The following ATPAF1 variants were observed in gnomAD, a reference collection of about 807,000 sequenced individuals.
ATPAF1 encodes the protein ATP synthase mitochondrial F1 complex assembly factor 1, also known as homolog of yeast ATP11.
In ATPAF1, 26 loss-of-function variants were observed where a neutral mutation model predicts 43.9. That is an observed-to-expected ratio of 0.59 (90% CI 0.43 to 0.82). The LOEUF (loss-of-function observed/expected upper bound fraction) is 0.82, where lower values mean the gene tolerates loss of function less well. Ranked by LOEUF, ATPAF1 falls within the 40% of genes least tolerant of loss-of-function variation. The pLI, the probability that ATPAF1 is intolerant of heterozygous loss-of-function variation, is 0.00. For missense variants in ATPAF1, 366 were observed against 435.0 expected (o/e 0.84, Z 1.41); for synonymous variants, 157 against 168.0 (o/e 0.93, Z 0.50).
At chr1:46,666,520 T>A (rs1219868907) in intron 1 of ATPAF1, 9 of 152,292 alleles carry the variant, frequency 5.9e-5, no homozygotes, top group Admixed American at 5.9e-4. Context: ...GAGCTCACTA[T>A]CCAGTGGGAG....
Position 46,665,380 on chromosome 1 carries a change from C to T in ATPAF1, c.267-16G>A, listed in dbSNP as rs755651111. ...TGGGTCTGACCTGATCAGAGGTAAA[C>T]CAAAGGGTAAACCAACTGGGCCTTT... On this transcript the variant is annotated splice_polypyrimidine_tract_variant and intron_variant, in intron 1 of 8. Transcript: ENST00000574428. 1.9e-6 allele frequency: 3 copies of T among 1,612,736 alleles called. No homozygotes were observed. Among genetic ancestry groups the T allele is most frequent in the Non-Finnish European group, 2.5e-6 (3 of 1,178,954 alleles).
chr1:46,637,154 A>G (rs1028656424), intron 8 of ATPAF1, among the ~76,000 whole-genome samples: 2 of 152,238 alleles, frequency 1.3e-5, no homozygotes, highest in African/African-American at 4.8e-5. Context: ...AGGGAAGAGA[A>G]GGGCAGTAGC....
intron 2 of ATPAF1, among the ~76,000 whole-genome samples, chr1:46,661,965 G>A (rs928057722): frequency 1.1e-4 from 17 of 148,300 alleles, no homozygotes; most frequent in Non-Finnish European, 1.9e-4. Context: ...TGTGATCTCC[G>A]CTCACTGCAG....
rs1336301814 is a variant in ATPAF1 at position 46,636,693 on chromosome 1, G to A, written c.793-723C>T. Among the ~76,000 whole-genome samples the A allele has an allele frequency of 2.6e-5, 4 of 151,418 alleles. No homozygotes were observed. In the East Asian group the frequency reaches 5.8e-4, roughly 22 times the overall value. ...GCTACTCAGGAGGCTGAGGTAGGAG[G>A]ATTGCTTGAGCCTGTCTGGGTAATG... is the stretch of plus-strand genomic sequence containing the variant. On this transcript the variant is annotated intron_variant, in intron 8 of 8. Coordinates refer to ENST00000574428, the Ensembl canonical transcript of ATPAF1.
rs148218057 is a variant in ATPAF1, at chr1:46,660,860, C to T, written c.376-2123G>A. On this transcript the variant is annotated intron_variant, in intron 2 of 8. Transcript: ENST00000574428. ...TCTACATAATAAAAAAAATTTCCCT[C>T]ATCCTGTACAACTTTTCAATGTCTA... 1.4e-4 allele frequency among the ~76,000 whole-genome samples: 21 copies of T among 152,168 alleles called. 1 individual carries two copies. In the East Asian group the frequency reaches 4.0e-3, roughly 29 times the overall value.
At chr1:46,639,805 A>T (rs565851357) in intron 8 of ATPAF1, among the ~76,000 whole-genome samples, 2 of 152,300 alleles carry the variant, frequency 1.3e-5, no homozygotes, top group South Asian at 4.1e-4. Context: ...TACAAGGCAA[A>T]TATGTATTGT....
At position 46,658,205 on chromosome 1, in the gene ATPAF1, A is replaced by G. The variant is rs1412403132; in HGVS notation, c.427-16T>C. On this transcript the variant is annotated splice_polypyrimidine_tract_variant and intron_variant, in intron 3 of 8. Transcript: ENST00000574428. ...AACTGAGAGTCTTGAAAGAGACAAT[A>G]AAAAGCAATTAACACATAATTAAAA... 2 of 1,576,392 alleles carry G rather than the reference A, an allele frequency of 1.3e-6. No homozygotes were observed. The highest frequency in any genetic ancestry group is 1.7e-6 in the Non-Finnish European group (2 of 1,161,128).
In ATPAF1 at chr1:46,668,289, C is replaced by T. The variant is rs1216675397; in HGVS notation, c.34G>A (p.Ala12Thr). ...GCCACCTGCAGGACCGCCGGTCCCG[C>T]GCCACCCGCAGCCGCCACCACCACA... The change falls in exon 1 of 9, where the codon GCG (alanine) becomes ACG (threonine). Residue 12 changes from alanine (A) to threonine (T), a missense_variant. This residue lies in a region of ATPAF1 where 186 missense variants were observed against 168.5 expected (regional missense o/e 1.10). Coordinates refer to ENST00000574428, the Ensembl canonical transcript of ATPAF1. This position sits in a 1 kb window ranked among gnomAD's most constrained non-coding sequence, Gnocchi z 4.4. 2 of 1,381,866 alleles carry T rather than the reference C, an allele frequency of 1.4e-6. No individual in the cohort carries two copies. The highest frequency in any genetic ancestry group is 1.5e-5 in the African/African-American group (1 of 66,554). 85.6% of individuals were successfully genotyped at this position (1,381,866 alleles called of 1,614,324 possible).
chr1:46,645,373 T>C (rs1676024021), intron 6 of ATPAF1, 117 bp from the exon 7 acceptor site: 1 of 839,644 alleles, frequency 1.2e-6, no homozygotes, highest in African/African-American at 1.7e-5. Context: ...AATATTTTTT[T>C]ATTTTTTTGA....
intron 8 of ATPAF1, among the ~76,000 whole-genome samples, chr1:46,641,648 C>T (rs1675952636): frequency 6.6e-6 from 1 of 152,162 alleles, no homozygotes; most frequent in South Asian, 2.1e-4. Flanking sequence ...ATTCTCAGTT[C>T]TAATCTCATT....
At chr1:46,663,880 C>G in intron 2 of ATPAF1, 3 of 1,274,512 alleles carry the variant, frequency 2.4e-6, no homozygotes, top group Non-Finnish European at 3.1e-6. Flanking sequence ...CCATATTCTC[C>G]CTGGCGCTGG....
chr1:46,632,906 GT>G (rs1675776268), downstream of ATPAF1: 1 of 152,738 alleles, frequency 6.5e-6, no homozygotes, highest in South Asian at 2.1e-4. Flanking sequence ...TGTATTTGGA[GT>G]TTGCAAAGGG....
chr1:46,648,642 A>T (rs1025288988), intron 6 of ATPAF1, among the ~76,000 whole-genome samples: 13 of 151,858 alleles, frequency 8.6e-5, no homozygotes, highest in African/African-American at 2.9e-4. Flanking sequence ...TCTTTGCCAA[A>T]CCCAAGGTAA....
At chr1:46,648,628 G>A (rs1676101514) in intron 6 of ATPAF1, among the ~76,000 whole-genome samples, 2 of 152,082 alleles carry the variant, frequency 1.3e-5, no homozygotes, top group South Asian at 4.1e-4. Context: ...ATGTACTTAT[G>A]ACATCTTTGC....
chr1:46,638,373 C>G (rs901428509), intron 8 of ATPAF1, among the ~76,000 whole-genome samples: 1 of 152,176 alleles, frequency 6.6e-6, no homozygotes, highest in African/African-American at 2.4e-5. Context: ...AATCCCAGCA[C>G]TTTGGGAGGC....
In ATPAF1 at chr1:46,668,004, G is replaced by A. The variant is rs963965282; in HGVS notation, c.266+53C>T. On this transcript the variant is annotated intron_variant, in intron 1 of 8. Transcript: ENST00000574428. This position sits in a 1 kb window ranked among gnomAD's most constrained non-coding sequence, Gnocchi z 4.4. Reference sequence around the variant, plus strand: ...GGGCTGTCCTAAGGCCCAGCAGCCCGGGCCGCCCCTCCTCCCGCCTCCTGC... The same window carrying A: ...GGGCTGTCCTAAGGCCCAGCAGCCCAGGCCGCCCCTCCTCCCGCCTCCTGC... The A allele has an allele frequency of 8.4e-6, 11 of 1,304,260 alleles. No homozygotes were observed. The highest frequency in any genetic ancestry group is 2.1e-5 in the South Asian group (1 of 47,316). 80.8% of individuals were successfully genotyped at this position (1,304,260 alleles called of 1,614,324 possible). A position where few individuals can be genotyped will look rare whatever the true frequency, so the allele number is the denominator to read the frequency against.
intron 6 of ATPAF1, among the ~76,000 whole-genome samples, chr1:46,647,495 TAC>T (rs1676065873): frequency 9.3e-6 from 1 of 107,800 alleles, no homozygotes; most frequent in African/African-American, 4.0e-5. Flanking sequence ...TGTGTATGTA[TAC>T]ACACATACAC....
At chr1:46,635,543 C>T in exon 9 of ATPAF1, 1 of 512,934 alleles carries the variant, frequency 1.9e-6, no homozygotes, top group Non-Finnish European at 3.4e-6. Context: ...ACCTCGAACA[C>T]TTAAAAAAGG....
intron 8 of ATPAF1, among the ~76,000 whole-genome samples, chr1:46,642,347 G>A (rs1416382148): frequency 3.9e-5 from 6 of 152,214 alleles, no homozygotes; most frequent in South Asian, 2.1e-4. Context: ...AATGAAGACT[G>A]TTAGGGGGAA....
Sources: gnomAD v4.1 joint callset for allele counts (sites outside exome capture counted in the v4.1 genomes callset) on GRCh38, gnomAD v4.1.1 for gene constraint, gnomAD v4.1.1 regional missense constraint, Gnocchi (gnomAD v3.1) non-coding constraint, MANE v1.5 for transcripts, NCBI Gene and HGNC (gene_info 2026-07-23, HGNC 2026-07-21) for gene names.